The following PTPN22 variants were observed in gnomAD, a reference collection of about 807,000 sequenced individuals.
PTPN22 encodes the protein protein tyrosine phosphatase non-receptor type 22, also known as tyrosine-protein phosphatase non-receptor type 22.
Under a neutral mutation model 103.3 loss-of-function variants are expected in PTPN22, and 85 were observed. The ratio of observed to expected loss-of-function variants is 0.82; its 90% confidence interval spans 0.69 to 0.99. The LOEUF is 0.99. PTPN22 is among the 50% of genes least tolerant of loss of function. The probability of loss-of-function intolerance (pLI) is 0.00; values close to 1 mark genes in which losing one functional copy is unlikely to be tolerated. For synonymous variants in PTPN22, 323 were observed against 310.2 expected, an observed-to-expected ratio of 1.04 and a Z score of -0.43; for missense variants, 865 against 936.9, an observed-to-expected ratio of 0.92 and a Z score of 1.00.
chr1:113,839,869 A>AT (rs1663375786), intron 11 of PTPN22, among the ~76,000 whole-genome samples: 2 of 151,072 alleles, frequency 1.3e-5, no homozygotes, highest in South Asian at 4.2e-4. Flanking sequence ...AGCCAAAGTA[A>AT]TTTTTTTAAT....
chr1:113,848,688 G>A, intron 10 of PTPN22, 62 bp from the exon 11 acceptor site: 2 of 1,489,640 alleles, frequency 1.3e-6, no homozygotes, highest in East Asian at 4.5e-5. Context: ...TGAACGACAG[G>A]ACCAGATTTT....
At chr1:113,858,630 A>T in intron 3 of PTPN22, 57 bp from the exon 4 acceptor site, 5 of 1,032,494 alleles carry the variant, frequency 4.8e-6, no homozygotes, top group Non-Finnish European at 7.0e-6. Context: ...GTTCTCACCT[A>T]GTCCTCCGCT....
intron 18 of PTPN22, among the ~76,000 whole-genome samples, chr1:113,827,245 T>C (rs1326410083): frequency 1.3e-5 from 2 of 152,206 alleles, no homozygotes. Flanking sequence ...CATTTTTAGT[T>C]ATTTTTTAAA....
chr1:113,871,511 C>G, intron 1 of PTPN22, 26 bp downstream of exon 1: 3 of 1,596,810 alleles, frequency 1.9e-6, no homozygotes, highest in Non-Finnish European at 2.6e-6. Flanking sequence ...TGTAACTACC[C>G]TGAGAGGGTC....
exon 21 of PTPN22, chr1:113,814,466 G>C (rs531076151): frequency 2.5e-5 from 4 of 157,920 alleles, no homozygotes; most frequent in Non-Finnish European, 4.2e-5. Flanking sequence ...TCATTGTCAA[G>C]AGCAGTTTGT....
chr1:113,826,072 A>G (rs1018225672), intron 18 of PTPN22, among the ~76,000 whole-genome samples: 3 of 151,924 alleles, frequency 2.0e-5, no homozygotes, highest in Admixed American at 1.3e-4. Context: ...GAGTGCTGGC[A>G]AGGTGGCTCA....
chr1:113,871,288 G>A (rs933445442), intron 1 of PTPN22, among the ~76,000 whole-genome samples: 9 of 152,166 alleles, frequency 5.9e-5, no homozygotes. Context: ...AGTTGTATAT[G>A]TCTTCTGTAG....
chr1:113,816,441 G>GAA (rs66518921), intron 20 of PTPN22, among the ~76,000 whole-genome samples: 130 of 144,626 alleles, frequency 9.0e-4, no homozygotes, highest in Middle Eastern at 7.0e-3. Flanking sequence ...AAAAAGAATT[G>GAA]AAAAAAAAAA....
chr1:113,839,957 AT>A (rs1355353743), intron 11 of PTPN22, among the ~76,000 whole-genome samples: 2 of 152,178 alleles, frequency 1.3e-5, no homozygotes, highest in African/African-American at 2.4e-5. Context: ...CACGCCTGTA[AT>A]CCCAGCACTT....
chr1:113,863,076 A>G (rs1665758181), intron 1 of PTPN22, among the ~76,000 whole-genome samples: 1 of 152,040 alleles, frequency 6.6e-6, no homozygotes, highest in Admixed American at 6.6e-5. Context: ...AAATGGCAAG[A>G]AATGTGTGTG....
exon 17 of PTPN22, chr1:113,830,019 T>C (rs758946598): frequency 3.1e-6 from 5 of 1,599,622 alleles, no homozygotes; most frequent in South Asian, 2.2e-5. Context: ...AAGAACGATC[T>C]TGATGTAGTT....
At chr1:113,846,572 T>C (rs1016544943) in intron 11 of PTPN22, among the ~76,000 whole-genome samples, 2 of 152,226 alleles carry the variant, frequency 1.3e-5, no homozygotes, top group Non-Finnish European at 2.9e-5. Context: ...TTTATTATGT[T>C]CTTTCTTCCT....
intron 11 of PTPN22, among the ~76,000 whole-genome samples, chr1:113,842,196 C>A (rs1663611027): frequency 6.6e-6 from 1 of 151,368 alleles, no homozygotes; most frequent in Non-Finnish European, 1.5e-5. Context: ...AATGACAGAG[C>A]AAGACCCTGA....
chr1:113,858,815 C>T (rs959545154), intron 3 of PTPN22, among the ~76,000 whole-genome samples, 187 bp downstream of exon 3: 1 of 151,712 alleles, frequency 6.6e-6, no homozygotes, highest in African/African-American at 2.4e-5. Context: ...AATTTTTTAA[C>T]TTTTTGTTGA....
At chr1:113,859,943 G>A (rs1665416718) in intron 1 of PTPN22, among the ~76,000 whole-genome samples, 3 of 144,972 alleles carry the variant, frequency 2.1e-5, no homozygotes, top group Non-Finnish European at 4.5e-5. Context: ...AAAGATTTCA[G>A]TTCCAAAAGC....
At chr1:113,836,685 T>C (rs1449832484) in intron 13 of PTPN22, among the ~76,000 whole-genome samples, 1 of 152,018 alleles carries the variant, frequency 6.6e-6, no homozygotes, top group Non-Finnish European at 1.5e-5. Context: ...CCCAGCACTT[T>C]GGGAGGCCAA....
chr1:113,860,425 T>A (rs1465693405), intron 1 of PTPN22, among the ~76,000 whole-genome samples: 1 of 152,212 alleles, frequency 6.6e-6, no homozygotes, highest in African/African-American at 2.4e-5. Context: ...ACTATAGGTC[T>A]TCAAACACAT....
chr1:113,859,753 G>T (rs1665404060), intron 1 of PTPN22, among the ~76,000 whole-genome samples: 1 of 152,154 alleles, frequency 6.6e-6, no homozygotes, highest in African/African-American at 2.4e-5. Context: ...CAAGCTATAT[G>T]CTCCACCCAA....
intron 11 of PTPN22, among the ~76,000 whole-genome samples, chr1:113,842,013 T>C (rs1453101949): frequency 6.6e-6 from 1 of 151,888 alleles, no homozygotes; most frequent in Non-Finnish European, 1.5e-5. Context: ...AAGACTAGCC[T>C]GGGCAACATA....
Sources: allele counts gnomAD v4.1 joint callset (sites outside exome capture counted in the v4.1 genomes callset), GRCh38; gene constraint gnomAD v4.1.1; transcripts MANE v1.5; gene names NCBI Gene and HGNC (gene_info 2026-07-23, HGNC 2026-07-21).